The following PRKG1 variants were observed in gnomAD, a reference collection of about 807,000 sequenced individuals.
PRKG1 encodes protein kinase cGMP-dependent 1.
In PRKG1, 35 loss-of-function variants were observed where a neutral mutation model predicts 88.1. That is an observed-to-expected ratio of 0.40 (90% CI 0.30 to 0.53). The LOEUF is 0.53. PRKG1 is among the 20% of genes least tolerant of loss of function. PRKG1 has a pLI of 0.59. For synonymous variants in PRKG1, 303 were observed against 292.5 expected (o/e 1.04, Z -0.37); for missense variants, 540 against 839.8 (o/e 0.64, Z 4.41).
chr10:52,117,699 C>A (rs1226679277), intron 7 of PRKG1, among the ~76,000 whole-genome samples: 1 of 151,944 alleles, frequency 6.6e-6, no homozygotes. Flanking sequence ...TTAAAAGCTA[C>A]AATAATAACT....
chr10:52,041,710 T>C (rs1845758515), intron 5 of PRKG1, among the ~76,000 whole-genome samples: 2 of 152,306 alleles, frequency 1.3e-5, no homozygotes, highest in South Asian at 4.1e-4. Context: ...GTAAGTTGTA[T>C]GTGTCCAGGA....
chr10:51,544,230 A>T (rs1379273303), intron 3 of PRKG1, among the ~76,000 whole-genome samples: 2 of 67,282 alleles, frequency 3.0e-5, no homozygotes, highest in African/African-American at 1.1e-4. Context: ...AACAGGCCCC[A>T]GTGTGTGATG....
At chr10:51,986,786 T>C (rs1449439693) in intron 5 of PRKG1, among the ~76,000 whole-genome samples, 1 of 152,180 alleles carries the variant, frequency 6.6e-6, no homozygotes, top group Admixed American at 6.6e-5. Context: ...GGGACTTGCC[T>C]GTTGGAGGGG....
At chr10:51,482,664 G>A (rs1338770663) in intron 3 of PRKG1, among the ~76,000 whole-genome samples, 2 of 152,064 alleles carry the variant, frequency 1.3e-5, no homozygotes, top group Admixed American at 1.3e-4. Context: ...CCCAAGCTGT[G>A]GTTTTAACCC....
intron 1 of PRKG1, among the ~76,000 whole-genome samples, chr10:51,065,138 T>C (rs76301277): frequency 6.6e-6 from 1 of 152,086 alleles, no homozygotes; most frequent in African/African-American, 2.4e-5. Flanking sequence ...ACAAGATGTA[T>C]GTATTAAGAA....
At chr10:51,120,356 C>G (rs186927019) in intron 1 of PRKG1, among the ~76,000 whole-genome samples, 2 of 152,038 alleles carry the variant, frequency 1.3e-5, no homozygotes, top group Non-Finnish European at 2.9e-5. Flanking sequence ...AACTACAAGG[C>G]CCCCTGTGAA....
intron 10 of PRKG1, among the ~76,000 whole-genome samples, chr10:52,268,586 C>T (rs916822707): frequency 1.3e-5 from 2 of 151,876 alleles, no homozygotes; most frequent in African/African-American, 2.4e-5. Flanking sequence ...ATGAGTTAGT[C>T]GATTCCGTTA....
At chr10:51,191,116 T>C (rs1334993370) in intron 2 of PRKG1, among the ~76,000 whole-genome samples, 2 of 151,902 alleles carry the variant, frequency 1.3e-5, no homozygotes, top group Admixed American at 1.3e-4. Flanking sequence ...TTTGAGCTCA[T>C]TGAATCTCTG....
At chr10:51,863,363 C>T (rs778610747) in intron 4 of PRKG1, among the ~76,000 whole-genome samples, 1 of 152,184 alleles carries the variant, frequency 6.6e-6, no homozygotes, top group Non-Finnish European at 1.5e-5. Context: ...GTACTTGTCA[C>T]TTGTTGATGG....
At chr10:51,273,876 C>T (rs1249918770) in intron 2 of PRKG1, among the ~76,000 whole-genome samples, 1 of 152,226 alleles carries the variant, frequency 6.6e-6, no homozygotes, top group Non-Finnish European at 1.5e-5. Flanking sequence ...AGGATATAAG[C>T]ATTAGTTTCC....
chr10:51,814,221 C>G (rs1839528412), intron 4 of PRKG1, among the ~76,000 whole-genome samples: 2 of 152,150 alleles, frequency 1.3e-5, no homozygotes. Flanking sequence ...TACAAAGTAT[C>G]TTTTGTACAC....
At chr10:51,808,970 T>C (rs1157948455) in intron 4 of PRKG1, among the ~76,000 whole-genome samples, 1 of 152,198 alleles carries the variant, frequency 6.6e-6, no homozygotes, top group Non-Finnish European at 1.5e-5. Flanking sequence ...TAATTTCTTA[T>C]CTTATGGTGC....
chr10:52,066,232 C>A (rs1387229195), intron 7 of PRKG1, among the ~76,000 whole-genome samples: 1 of 152,082 alleles, frequency 6.6e-6, no homozygotes, highest in Non-Finnish European at 1.5e-5. Flanking sequence ...AATTCTCCAC[C>A]CTTCGGGACC....
At chr10:52,138,171 C>T (rs1837478211) in intron 8 of PRKG1, among the ~76,000 whole-genome samples, 1 of 151,964 alleles carries the variant, frequency 6.6e-6, no homozygotes, top group Non-Finnish European at 1.5e-5. Context: ...CTCTCCCACT[C>T]CTCTTCTGCC....
Position 52,201,593 on chromosome 10 carries a change from T to C in PRKG1, c.1076+39630T>C, listed in dbSNP as rs552685725. ...TTTTTTCCTAATGCTGTGAAGAATA[T>C]CATTGGTAGTTTGATAGTAATAATA... On this transcript the variant is annotated intron_variant, in intron 9 of 17. Transcript: ENST00000373980. 3.3e-5 allele frequency among the ~76,000 whole-genome samples: 5 copies of C among 152,274 alleles called. No homozygotes were observed. The East Asian group carries it at 9.6e-4, about 29-fold the overall frequency.
At chr10:51,456,311 G>A (rs191992859) in intron 2 of PRKG1, among the ~76,000 whole-genome samples, 192 of 152,226 alleles carry the variant, frequency 1.3e-3, no homozygotes, top group Admixed American at 4.7e-3. Flanking sequence ...AATTCAAGAT[G>A]AGATTTGGGT....
At chr10:52,166,787 C>CTATATATATA (rs201538311) in intron 9 of PRKG1, among the ~76,000 whole-genome samples, 31 of 12,462 alleles carry the variant, frequency 2.5e-3, no homozygotes, top group Admixed American at 0.018. Flanking sequence ...ATAAAAAAGC[C>CTATATATATA]TATATATATA....
At chr10:51,072,785 A>C (rs1843851200), upstream of PRKG1, among the ~76,000 whole-genome samples, 1 of 152,106 alleles carries the variant, frequency 6.6e-6, no homozygotes, top group Non-Finnish European at 1.5e-5. Context: ...AAAAACAAGG[A>C]CACTTTAAAT....
chr10:52,255,305 A>G (rs139171376), intron 10 of PRKG1, among the ~76,000 whole-genome samples: 65 of 152,194 alleles, frequency 4.3e-4, no homozygotes, highest in African/African-American at 1.4e-3. Context: ...TTATAGTCAT[A>G]TTCCCAATTT....
Sources: allele counts gnomAD v4.1 joint callset (sites outside exome capture counted in the v4.1 genomes callset), GRCh38; gene constraint gnomAD v4.1.1; transcripts MANE v1.5; gene names NCBI Gene and HGNC (gene_info 2026-07-23, HGNC 2026-07-21).